The following MTHFD2L variants were observed in gnomAD, a reference collection of about 807,000 sequenced individuals.
MTHFD2L encodes methylenetetrahydrofolate dehydrogenase (NADP+ dependent) 2 like, also known as bifunctional methylenetetrahydrofolate dehydrogenase/cyclohydrolase 2, mitochondrial.
In MTHFD2L, 29 loss-of-function variants were observed where a neutral mutation model predicts 34.9. The observed-to-expected ratio is 0.83, with a 90% CI of 0.62 to 1.13. MTHFD2L has a LOEUF of 1.13. Among genes scored for constraint, MTHFD2L ranks in the 50% most tolerant of loss-of-function variants. The pLI is 0.00. For synonymous variants in MTHFD2L, 167 were observed against 155.7 expected (o/e 1.07, Z -0.54); for missense variants, 481 against 446.5 (o/e 1.08, Z -0.70).
intron 3 of MTHFD2L, among the ~76,000 whole-genome samples, chr4:74,192,859 AG>A (rs1732799536): frequency 6.6e-6 from 1 of 152,112 alleles, no homozygotes; most frequent in East Asian, 1.9e-4. Context: ...TTTAACTGAT[AG>A]GTGTTTTGCA....
rs1293195295 is a variant in MTHFD2L at position 74,174,570 on chromosome 4, G to A, written c.208G>A (p.Gly70Ser). 1 of 1,606,568 alleles carries A rather than the reference G, an allele frequency of 6.2e-7. No individual in the cohort carries two copies. The highest frequency in any genetic ancestry group is 1.1e-5 in the South Asian group (1 of 89,774). Reference sequence around the variant, plus strand: ...GCATATCCAGAAAGAAATACAGCGAGGTGTGGAATCATGGGTTTCCCTTGG... The same window carrying A: ...GCATATCCAGAAAGAAATACAGCGAAGTGTGGAATCATGGGTTTCCCTTGG... ...AKHIQKEIQR[G>S]VESWVSLGNR... The change falls in exon 2 of 8, where the codon GGT becomes AGT. Residue 70 changes from glycine to serine, a missense_variant. By Grantham distance (56) the Gly-to-Ser change is moderately conservative. Transcript: ENST00000325278.
At chr4:74,157,678 G>A (rs1480150975), upstream of MTHFD2L, 1 of 457,304 alleles carries the variant, frequency 2.2e-6, no homozygotes, top group Non-Finnish European at 4.4e-6. Flanking sequence ...ATCTCACAAA[G>A]GAAGTGGGAA....
chr4:74,236,983 A>G (rs1483672562), intron 6 of MTHFD2L, among the ~76,000 whole-genome samples: 2 of 152,146 alleles, frequency 1.3e-5, no homozygotes, highest in Non-Finnish European at 2.9e-5. Flanking sequence ...GTTTAATAAC[A>G]CCCATATCAG....
Position 74,211,356 on chromosome 4 carries a change from C to T in MTHFD2L, c.712+9986C>T, listed in dbSNP as rs1456151523. ...AGCTCTTATTATTTTGAGATACGTT[C>T]CATCAATATCTAGTTTATTGAGAGT... On this transcript the variant is annotated intron_variant, in intron 5 of 7. Transcript: ENST00000325278. 3.3e-5 allele frequency among the ~76,000 whole-genome samples: 5 copies of T among 152,150 alleles called. No individual in the cohort carries two copies. The South Asian group carries it at 1.0e-3, about 32-fold the overall frequency.
At chr4:74,199,762 T>G (rs1474605289) in intron 3 of MTHFD2L, 32 bp from the exon 4 acceptor site, 3 of 1,560,712 alleles carry the variant, frequency 1.9e-6, no homozygotes, top group Non-Finnish European at 2.6e-6. Context: ...AATAACAATT[T>G]TAAAATTAGA....
rs1299340741 is a variant in MTHFD2L at position 74,141,332 on chromosome 4, C to G, written c.-297+15815C>G. The stretch of plus-strand genomic sequence containing the variant: ...TGAGATAACAGATGAAGTAGTAGTC[C>G]AAGCAAAATTCACTTTCAAAGGCTG... On this transcript the variant is annotated intron_variant, in intron 1 of 7. Coordinates refer to the MTHFD2L transcript ENST00000433372. 2.0e-5 allele frequency among the ~76,000 whole-genome samples: 3 copies of G among 152,226 alleles called. No individual in the cohort carries two copies. In the East Asian group the frequency reaches 5.8e-4, roughly 29 times the overall value.
At position 74,201,334 on chromosome 4, in the gene MTHFD2L, C is replaced by A; in HGVS notation, c.676C>A (p.Leu226Ile). Residue 226 changes from leucine to isoleucine, a missense_variant, in exon 5 of 8, where the codon CTT (leucine) becomes ATT (isoleucine). Transcript: ENST00000325278. ...GAACGTAGGGATGCCTATTGCCATG[C>A]TTTTACACACTGATGGAGAGCATGA... ...SKNVGMPIAM[L>I]LHTDGEHERP... 1.2e-6 allele frequency: 2 copies of A among 1,613,740 alleles called. No homozygotes were observed. Among genetic ancestry groups the A allele is most frequent in the Non-Finnish European group, 1.7e-6 (2 of 1,179,824 alleles).
chr4:74,220,675 T>C (rs1342773195), intron 5 of MTHFD2L, among the ~76,000 whole-genome samples: 1 of 151,776 alleles, frequency 6.6e-6, no homozygotes, highest in Non-Finnish European at 1.5e-5. Flanking sequence ...TTTTAAGTAT[T>C]TTATCTTTTG....
intron 1 of MTHFD2L, among the ~76,000 whole-genome samples, chr4:74,144,950 C>G (rs531081258): frequency 6.6e-6 from 1 of 152,158 alleles, no homozygotes; most frequent in African/African-American, 2.4e-5. Context: ...TTATCCATAG[C>G]TAACAGCAAA....
At chr4:74,133,163 G>C (rs1223438564) in intron 1 of MTHFD2L, among the ~76,000 whole-genome samples, 1 of 152,096 alleles carries the variant, frequency 6.6e-6, no homozygotes, top group Non-Finnish European at 1.5e-5. Flanking sequence ...TGGCCTACAT[G>C]GTTTCCATTG....
chr4:74,174,884 A>G (rs1308343103), intron 2 of MTHFD2L, among the ~76,000 whole-genome samples, 194 bp downstream of exon 2: 1 of 152,114 alleles, frequency 6.6e-6, no homozygotes. Flanking sequence ...GGGTTAATTC[A>G]GTGTGTTTTA....
intron 6 of MTHFD2L, among the ~76,000 whole-genome samples, chr4:74,261,953 C>T (rs941115707): frequency 6.0e-4 from 91 of 151,976 alleles, no homozygotes; most frequent in African/African-American, 2.1e-3. Flanking sequence ...ACTGACTCAA[C>T]AAATGTTAAT....
At chr4:74,119,889 T>C (rs1721722645), upstream of MTHFD2L, among the ~76,000 whole-genome samples, 1 of 152,150 alleles carries the variant, frequency 6.6e-6, no homozygotes, top group African/African-American at 2.4e-5. Flanking sequence ...TATGTGGTGG[T>C]TGGCTATGCA....
chr4:74,155,844 T>A (rs570241638), upstream of MTHFD2L, among the ~76,000 whole-genome samples: 3 of 152,048 alleles, frequency 2.0e-5, no homozygotes, highest in Non-Finnish European at 2.9e-5. Flanking sequence ...TATTTCTTTT[T>A]GAAATACTTG....
intron 5 of MTHFD2L, among the ~76,000 whole-genome samples, chr4:74,217,995 C>T (rs1737486183): frequency 6.6e-6 from 1 of 152,150 alleles, no homozygotes; most frequent in South Asian, 2.1e-4. Context: ...ATGCTCTTGA[C>T]AACACTGTAA....
chr4:74,128,249 A>C (rs1722218644), intron 1 of MTHFD2L, among the ~76,000 whole-genome samples: 1 of 151,988 alleles, frequency 6.6e-6, no homozygotes, highest in Admixed American at 6.6e-5. Flanking sequence ...AGCTTTATGT[A>C]ATCTCAATTG....
intron 6 of MTHFD2L, among the ~76,000 whole-genome samples, chr4:74,251,477 CTT>C (rs1174244142): frequency 1.3e-5 from 2 of 152,308 alleles, no homozygotes; most frequent in South Asian, 4.1e-4. Flanking sequence ...ATCCCAAACT[CTT>C]TTTAGCTTCC....
chr4:74,145,897 G>T (rs1578253760), intron 1 of MTHFD2L, among the ~76,000 whole-genome samples: 2 of 152,164 alleles, frequency 1.3e-5, no homozygotes, highest in South Asian at 4.2e-4. Flanking sequence ...AATGCTCTCT[G>T]AGGCCTCCCG....
Position 74,225,335 on chromosome 4 carries a change from C to T in MTHFD2L, c.746C>T (p.Thr249Ile). The change falls in exon 6 of 8, where the codon ACC becomes ATC. Residue 249 changes from threonine (T) to isoleucine (I), a missense_variant. Physicochemically the swap from Thr to Ile is moderately conservative, Grantham distance 89. Transcript: ENST00000325278. The stretch of plus-strand genomic sequence containing the variant: ...ACTGTGACAATAGCTCACAGATACA[C>T]CCCCAAAGAGCAACTGAAGATTCAT... Reference protein sequence around the residue: ...DATVTIAHRYTPKEQLKIHTQ... With the variant: ...DATVTIAHRYIPKEQLKIHTQ... 1.2e-6 allele frequency: 2 copies of T among 1,613,028 alleles called. No individual in the cohort carries two copies. The highest frequency in any genetic ancestry group is 1.7e-6 in the Non-Finnish European group (2 of 1,179,252).
Sources: allele counts gnomAD v4.1 joint callset (sites outside exome capture counted in the v4.1 genomes callset), GRCh38; gene constraint gnomAD v4.1.1; transcripts MANE v1.5; gene names NCBI Gene and HGNC (gene_info 2026-07-23, HGNC 2026-07-21).